TBCD: variants seen among roughly 807,000 people sequenced by gnomAD.
TBCD encodes tubulin folding cofactor D.
A neutral mutation model predicts 169.3 loss-of-function variants in TBCD; 105 were observed. The ratio of observed to expected loss-of-function variants is 0.62; its 90% CI spans 0.53 to 0.73. The LOEUF is 0.73. TBCD is among the 30% of genes least tolerant of loss of function. The pLI, the probability that TBCD is intolerant of heterozygous loss-of-function variation, is 0.00. For synonymous variants in TBCD, 700 were observed against 643.9 expected (o/e 1.09, Z -1.32); for missense variants, 1,444 against 1,600.1 (o/e 0.90, Z 1.66).
At chr17:82,826,043 T>G (rs928785422) in intron 13 of TBCD, among the ~76,000 whole-genome samples, 1 of 152,262 alleles carries the variant, frequency 6.6e-6, no homozygotes, top group African/African-American at 2.4e-5. Flanking sequence ...ATATTTCCAT[T>G]TACTTTTTTC....
chr17:82,804,276 C>T (rs1312432878), intron 9 of TBCD, among the ~76,000 whole-genome samples: 1 of 152,132 alleles, frequency 6.6e-6, no homozygotes, highest in Admixed American at 6.5e-5. Context: ...ATACCAGTTA[C>T]CCTACATTAC....
chr17:82,768,333 A>G, intron 4 of TBCD, 87 bp from the exon 5 acceptor site: 2 of 1,518,842 alleles, frequency 1.3e-6, no homozygotes, highest in Non-Finnish European at 1.8e-6. Context: ...TTGGGTGGGC[A>G]TGGAGGGCAG....
chr17:82,832,176 A>G lies in TBCD; in HGVS notation c.1318+17242A>G, dbSNP rs777619576. 8 of 1,614,208 alleles carry G rather than the reference A, an allele frequency of 5.0e-6. No individual in the cohort carries two copies. The highest frequency in any genetic ancestry group is 6.8e-6 in the Non-Finnish European group (8 of 1,180,040). ...GCTTCGAGTCGAAGGCAGAGAGTCC[A>G]TTTGCGACAGACTTGGAAGAGGCTG... On this transcript the variant is annotated intron_variant, in intron 13 of 38. Coordinates refer to ENST00000355528, the MANE Select transcript of TBCD (RefSeq NM_005993.5). This position sits in a 1 kb window ranked among gnomAD's most constrained non-coding sequence, Gnocchi z 4.9.
chr17:82,823,853 T>C (rs1299892843), intron 13 of TBCD, among the ~76,000 whole-genome samples: 2 of 152,194 alleles, frequency 1.3e-5, no homozygotes, highest in Non-Finnish European at 2.9e-5. Context: ...AATTACACTC[T>C]CACTTTTGTA....
chr17:82,802,065 G>T (rs563414511), intron 9 of TBCD, among the ~76,000 whole-genome samples: 6 of 96,172 alleles, frequency 6.2e-5, no homozygotes, highest in African/African-American at 1.4e-4. Context: ...GACGCGCTGT[G>T]GGGGAAAGCT....
In TBCD at chr17:82,921,428, G is replaced by A. The variant is rs2061413077; in HGVS notation, c.2102-73G>A. The A allele has an allele frequency of 9.3e-6, 11 of 1,184,654 alleles. No individual in the cohort carries two copies. The South Asian group carries it at 1.3e-4, about 14-fold the overall frequency. The allele number at this position is 1,184,654 out of a possible 1,614,324, so 73.4% of individuals were successfully genotyped here. On this transcript the variant is annotated intron_variant, in intron 24 of 38. Transcript: ENST00000355528. Reference sequence around the variant, plus strand: ...GACTTTAAGATTAGTATTAATAGAAGCTGTTTTTGCTGTTGTTTTTGATTT... The same window carrying A: ...GACTTTAAGATTAGTATTAATAGAAACTGTTTTTGCTGTTGTTTTTGATTT...
chr17:82,887,757 A>G (rs954168502), intron 15 of TBCD, among the ~76,000 whole-genome samples: 1 of 152,126 alleles, frequency 6.6e-6, no homozygotes, highest in Admixed American at 6.5e-5. Context: ...TGTGTCTGAC[A>G]TGGCCACTGT....
intron 15 of TBCD, chr17:82,886,163 A>G (rs1310868451): frequency 3.3e-5 from 5 of 152,170 alleles, no homozygotes; most frequent in African/African-American, 7.2e-5. Flanking sequence ...TGGTGCTCCC[A>G]TGTCAAGACT....
chr17:82,782,279 T>G lies in TBCD; in HGVS notation c.771+558T>G, dbSNP rs1252228282. On this transcript the variant is annotated intron_variant, in intron 7 of 38. Transcript: ENST00000355528. This position sits in a 1 kb window ranked among gnomAD's most constrained non-coding sequence, Gnocchi z 5.1. Reference sequence around the variant, plus strand: ...GTGCTAACGAGGAGGAAAGGTCAAGTCTCAGAAGAGGGCAAAGCCTCTTTT... The same window carrying G: ...GTGCTAACGAGGAGGAAAGGTCAAGGCTCAGAAGAGGGCAAAGCCTCTTTT... Among the ~76,000 whole-genome samples the G allele has an allele frequency of 6.6e-6, 1 of 152,170 alleles. No homozygotes were observed. Among genetic ancestry groups the G allele is most frequent in the Non-Finnish European group, 1.5e-5 (1 of 68,030 alleles).
In TBCD at chr17:82,760,093, C is replaced by T. The variant is rs936683502; in HGVS notation, c.236-3872C>T. Among the ~76,000 whole-genome samples the T allele has an allele frequency of 2.6e-5, 4 of 151,732 alleles. No homozygotes were observed. In the East Asian group the frequency reaches 5.8e-4, roughly 22 times the overall value. On this transcript the variant is annotated intron_variant, in intron 2 of 38. Transcript: ENST00000355528. ...TTCATCATGTTGGCCAGGATAGTCT[C>T]GAACTCCTGACCTCAAGCAGTCTGC...
Position 82,929,506 on chromosome 17 carries a change from G to A in TBCD, c.2991+6G>A. On this transcript the variant is annotated splice_donor_region_variant and intron_variant, in intron 32 of 38. Transcript: ENST00000355528. ...GCGGCTTGACGGAGTCGACGGTGAG[G>A]AGGCGTCGGGCTGGCTGGGGCAGGA... 1.9e-6 allele frequency: 3 copies of A among 1,603,676 alleles called. No individual in the cohort carries two copies. Among genetic ancestry groups the A allele is most frequent in the Non-Finnish European group, 2.5e-6 (3 of 1,179,806 alleles).
At chr17:82,836,724 A>G (rs1442321195) in intron 13 of TBCD, among the ~76,000 whole-genome samples, 1 of 151,636 alleles carries the variant, frequency 6.6e-6, no homozygotes, top group Non-Finnish European at 1.5e-5. Context: ...CCAAAAAACA[A>G]AAAAACAAAA....
chr17:82,929,290 C>T lies in TBCD; in HGVS notation c.2852+19C>T, dbSNP rs776236812. The T allele has an allele frequency of 1.2e-6, 2 of 1,611,506 alleles. No individual in the cohort carries two copies. Among genetic ancestry groups the T allele is most frequent in the African/African-American group, 1.3e-5 (1 of 74,882 alleles). ...TTCCCAGGTACTGTCGGGGTGTAGG[C>T]CCCCCGTGCTGGCCCCGCAGCCATG... On this transcript the variant is annotated intron_variant, in intron 31 of 38. Transcript: ENST00000355528.
In TBCD at chr17:82,889,540, CAAT is replaced by C. The variant is rs2058985020; in HGVS notation, c.1534-127_1534-125del. Reference sequence around the variant, plus strand: ...GCACCTTGAGGCTCTGTTCAGCCAACAATGAGGGCTTTTATTTAAAAAATAAAG... The same window carrying C: ...GCACCTTGAGGCTCTGTTCAGCCAACGAGGGCTTTTATTTAAAAAATAAAG... On this transcript the variant is annotated intron_variant, in intron 15 of 38. Transcript: ENST00000355528. This position sits in a 1 kb window ranked among gnomAD's most constrained non-coding sequence, Gnocchi z 5.3. 6 of 1,134,482 alleles carry C rather than the reference CAAT, an allele frequency of 5.3e-6. No individual in the cohort carries two copies. Among genetic ancestry groups the C allele is most frequent in the Admixed American group, 2.3e-5 (1 of 43,918 alleles). The allele number at this position is 1,134,482 out of a possible 1,614,324, so 70.3% of individuals were successfully genotyped here. A position where few individuals can be genotyped will look rare whatever the true frequency, so the allele number is the denominator to read the frequency against.
At chr17:82,841,194 G>A (rs1222581768) in intron 13 of TBCD, among the ~76,000 whole-genome samples, 7 of 151,660 alleles carry the variant, frequency 4.6e-5, no homozygotes, top group Non-Finnish European at 1.0e-4. Flanking sequence ...CACCCACGTC[G>A]GCCTCCCAAA....
chr17:82,757,207 C>T (rs1388035614), intron 2 of TBCD, among the ~76,000 whole-genome samples: 3 of 152,162 alleles, frequency 2.0e-5, no homozygotes, highest in South Asian at 2.1e-4. Context: ...GGGGTTTCCT[C>T]GCCCCCCGTG....
intron 35 of TBCD, 139 bp from the exon 36 acceptor site, chr17:82,937,910 C>T (rs747281040): frequency 2.5e-5 from 38 of 1,531,908 alleles, no homozygotes; most frequent in Admixed American, 7.9e-5. Flanking sequence ...CACACACCTC[C>T]GGCTTGGGGC....
rs151335696 is a variant in TBCD, at chr17:82,847,873, G to A, written c.1319-22351G>A. ...CCTGACCTCGTGATCCACCCTCCTC[G>A]GCCTCCCAAAGTGCTGGGATTACTG... On this transcript the variant is annotated intron_variant, in intron 13 of 38. Transcript: ENST00000355528. 8.7e-3 allele frequency among the ~76,000 whole-genome samples: 1,321 copies of A among 152,242 alleles called. 15 individuals are homozygous for A. Among genetic ancestry groups the A allele is most frequent in the African/African-American group, 0.031 (1,275 of 41,534 alleles).
At position 82,889,831 on chromosome 17, in the gene TBCD, GT is replaced by G; in HGVS notation, c.1563+136del. ...GGCTACATCAATGCCAGGGTCATGA[GT>G]TCACTATAGGACGCACATGTTAAAC... On this transcript the variant is annotated intron_variant, in intron 16 of 38. Transcript: ENST00000355528. This position sits in a 1 kb window ranked among gnomAD's most constrained non-coding sequence, Gnocchi z 5.3. The G allele has an allele frequency of 1.0e-6, 1 of 998,316 alleles. No individual in the cohort carries two copies. Among genetic ancestry groups the G allele is most frequent in the African/African-American group, 1.6e-5 (1 of 61,628 alleles). The allele number at this position is 998,316 out of a possible 1,614,324, so 61.8% of individuals were successfully genotyped here. A position where few individuals can be genotyped will look rare whatever the true frequency, so the allele number is the denominator to read the frequency against.
Sources: gnomAD v4.1 joint callset for allele counts (sites outside exome capture counted in the v4.1 genomes callset) on GRCh38, gnomAD v4.1.1 for gene constraint, Gnocchi (gnomAD v3.1) non-coding constraint, MANE v1.5 for transcripts, NCBI Gene and HGNC (gene_info 2026-07-23, HGNC 2026-07-21) for gene names.